The following POU2F2 variants were observed in gnomAD, a reference collection of about 807,000 sequenced individuals.
POU2F2 encodes POU class 2 homeobox 2, also known as POU domain, class 2, transcription factor 2.
Under a neutral mutation model 63.5 loss-of-function variants are expected in POU2F2, and 14 were observed. The ratio of observed to expected loss-of-function variants is 0.22; its 90% CI spans 0.15 to 0.34. POU2F2 has a LOEUF of 0.34. POU2F2 is among the 10% of genes least tolerant of loss of function. The pLI is 1.00. For synonymous variants in POU2F2, 306 were observed against 348.6 expected (o/e 0.88, Z 1.36); for missense variants, 607 against 815.2 (o/e 0.74, Z 3.11).
intron 5 of POU2F2, among the ~76,000 whole-genome samples, chr19:42,104,634 C>T (rs1050861105): frequency 6.6e-6 from 1 of 152,028 alleles, no homozygotes; most frequent in Non-Finnish European, 1.5e-5. Flanking sequence ...TGAGGTGGTA[C>T]TGTTTGTGTC....
chr19:42,095,308 G>T lies in POU2F2; in HGVS notation c.1175C>A (p.Pro392Gln). Residue 392 changes from proline (P) to glutamine (Q), a missense_variant, in exon 11 of 15, where the codon CCG (proline) becomes CAG (glutamine). Around this residue, in one of 7 missense-constraint regions of POU2F2, gnomAD observed 270 missense variants for 307.5 expected, o/e 0.88. Transcript: ENST00000692977. This position sits in a 1 kb window ranked among gnomAD's most constrained non-coding sequence, Gnocchi z 7.1. ...TACCATATGGGGGCTGTAGCTGGCCGGCTTCCCTGGGCTGGGCAGCATGGG... is the reference window on the plus strand; with the variant it reads ...TACCATATGGGGGCTGTAGCTGGCCTGCTTCCCTGGGCTGGGCAGCATGGG... ...AAPMLPSPGK[P>Q]ASYSPHMVTP... 6.2e-7 allele frequency: 1 copy of T among 1,613,608 alleles called. No individual in the cohort carries two copies. The highest frequency in any genetic ancestry group is 8.5e-7 in the Non-Finnish European group (1 of 1,179,954).
intron 5 of POU2F2, among the ~76,000 whole-genome samples, chr19:42,102,188 A>G (rs374732564): frequency 6.6e-6 from 1 of 152,232 alleles, no homozygotes; most frequent in Non-Finnish European, 1.5e-5. Flanking sequence ...TGGAAGCTAC[A>G]GCAATGAGAA....
chr19:42,188,932 G>GAAGGAAGGAAGGAAGA (rs1260122771), intron 1 of POU2F2, among the ~76,000 whole-genome samples: 123 of 151,068 alleles, frequency 8.1e-4, no homozygotes, highest in Admixed American at 2.1e-3. Flanking sequence ...AGGAAGGAAG[G>GAAGGAAGGAAGGAAGA]AAGGAAGGAA....
chr19:42,093,803 C>T (rs766740342), intron 12 of POU2F2, 26 bp downstream of exon 12: 1 of 1,594,368 alleles, frequency 6.3e-7, no homozygotes, highest in South Asian at 1.1e-5. Context: ...CCCAGTCCCC[C>T]CTCACCATTT....
chr19:42,189,737 G>T (rs1178783397), intron 1 of POU2F2, among the ~76,000 whole-genome samples: 3 of 151,968 alleles, frequency 2.0e-5, no homozygotes, highest in African/African-American at 7.2e-5. Flanking sequence ...GGGGGAGTTT[G>T]TTTTGTTTCT....
upstream of POU2F2, among the ~76,000 whole-genome samples, chr19:42,177,857 A>G (rs1346678560): frequency 6.6e-6 from 1 of 151,998 alleles, no homozygotes; most frequent in Admixed American, 6.6e-5. Flanking sequence ...CAGGACAGGG[A>G]GCACAGAAGA....
At chr19:42,093,610 C>T in intron 12 of POU2F2, 1 of 409,232 alleles carries the variant, frequency 2.4e-6, no homozygotes, top group Non-Finnish European at 4.3e-6. Flanking sequence ...CAGGCCCATG[C>T]TTTTCTCATA....
chr19:42,119,774 A>AG (rs1465357853), intron 4 of POU2F2, among the ~76,000 whole-genome samples: 1 of 152,170 alleles, frequency 6.6e-6, no homozygotes, highest in East Asian at 1.9e-4. Context: ...AAAAAAAAAA[A>AG]GTTTTAAAAA....
chr19:42,178,248 A>G (rs1385249938), upstream of POU2F2, among the ~76,000 whole-genome samples: 1 of 152,120 alleles, frequency 6.6e-6, no homozygotes, highest in Non-Finnish European at 1.5e-5. Flanking sequence ...CCATGCAGAG[A>G]CAGAGATGCA....
chr19:42,103,278 C>T (rs1315007095), intron 5 of POU2F2, among the ~76,000 whole-genome samples: 1 of 152,194 alleles, frequency 6.6e-6, no homozygotes, highest in Non-Finnish European at 1.5e-5. Flanking sequence ...TTTACTCATT[C>T]ATGACATGCC....
At chr19:42,147,852 G>A (rs1450892404) in intron 2 of POU2F2, among the ~76,000 whole-genome samples, 2 of 152,184 alleles carry the variant, frequency 1.3e-5, no homozygotes, top group African/African-American at 4.8e-5. Flanking sequence ...ACAGGAAAGG[G>A]CATGGCCATT....
chr19:42,132,009 C>G (rs988016665), intron 1 of POU2F2, among the ~76,000 whole-genome samples: 1 of 152,138 alleles, frequency 6.6e-6, no homozygotes, highest in Non-Finnish European at 1.5e-5. Flanking sequence ...ATGACATCCC[C>G]CAAGTCCAGC....
At position 42,117,313 on chromosome 19, in the gene POU2F2, A is replaced by G. The variant is rs1600099609; in HGVS notation, c.306T>C (p.Pro102=). The change falls in exon 5 of 15, where the codon CCT becomes CCC. Residue 102 remains proline, a synonymous_variant. Transcript: ENST00000692977. This position sits in a 1 kb window ranked among gnomAD's most constrained non-coding sequence, Gnocchi z 4.4. The stretch of plus-strand genomic sequence containing the variant: ...GGGGCAGATGAGGCTGGGCCGGCTG[A>G]GGGGGCAGGGGTGCTGCTGGGGCTG... The part of the protein sequence containing the change: ...GDSAPAAPLP[P]QPAQPHLPQA... 1 of 1,518,638 alleles carries G rather than the reference A, an allele frequency of 6.6e-7. No individual in the cohort carries two copies. The highest frequency in any genetic ancestry group is 1.8e-4 in the Middle Eastern group (1 of 5,408). 94.1% of individuals were successfully genotyped at this position (1,518,638 alleles called of 1,614,324 possible). A position where few individuals can be genotyped will look rare whatever the true frequency, so the allele number is the denominator to read the frequency against.
chr19:42,142,017 G>A (rs2034138280), intron 2 of POU2F2, among the ~76,000 whole-genome samples: 1 of 152,208 alleles, frequency 6.6e-6, no homozygotes, highest in Non-Finnish European at 1.5e-5. Flanking sequence ...ACACTGTTAA[G>A]TGAAAAAGCA....
intron 1 of POU2F2, among the ~76,000 whole-genome samples, chr19:42,189,416 GT>G (rs1488485974): frequency 6.6e-6 from 1 of 152,184 alleles, no homozygotes; most frequent in Non-Finnish European, 1.5e-5. Context: ...GCTGATTTAT[GT>G]TGTACCCAGG....
At chr19:42,133,267 A>C (rs2033884567), upstream of POU2F2, among the ~76,000 whole-genome samples, 1 of 152,194 alleles carries the variant, frequency 6.6e-6, no homozygotes, top group Admixed American at 6.5e-5. The surrounding 1 kb of genome is among the most constrained non-coding windows in gnomAD (Gnocchi z 5.1). Flanking sequence ...GCGCCCAGCC[A>C]ATGGGCCGGA....
intron 1 of POU2F2, among the ~76,000 whole-genome samples, chr19:42,191,705 C>T (rs766544906): frequency 3.9e-5 from 6 of 152,304 alleles, no homozygotes; most frequent in South Asian, 4.1e-4. Context: ...GGGAGTAGAG[C>T]TCTCTTTGAG....
intron 5 of POU2F2, among the ~76,000 whole-genome samples, chr19:42,115,453 T>C (rs2031722086): frequency 6.6e-6 from 1 of 152,172 alleles, no homozygotes; most frequent in African/African-American, 2.4e-5. Flanking sequence ...GAGCAGTCAC[T>C]GAGGGAAACG....
At chr19:42,158,401 G>A (rs990311018) in intron 2 of POU2F2, among the ~76,000 whole-genome samples, 12 of 152,226 alleles carry the variant, frequency 7.9e-5, no homozygotes, top group Non-Finnish European at 1.3e-4. Flanking sequence ...GTGGGTTTTG[G>A]TGAGGTAAAA....
Sources: allele counts gnomAD v4.1 joint callset (sites outside exome capture counted in the v4.1 genomes callset), GRCh38; gene constraint gnomAD v4.1.1; regional missense constraint gnomAD v4.1.1; non-coding constraint Gnocchi (gnomAD v3.1); transcripts MANE v1.5; gene names NCBI Gene and HGNC (gene_info 2026-07-23, HGNC 2026-07-21).